Variants in URAD observed in about 807,000 individuals in gnomAD.
URAD encodes ureidoimidazoline (2-oxo-4-hydroxy-4-carboxy-5-) decarboxylase.
URAD carries 4 observed loss-of-function variants against 4.6 expected under a neutral mutation model. The ratio of observed to expected loss-of-function variants is 0.87; its 90% CI spans 0.43 to 1.98. The LOEUF (loss-of-function observed/expected upper bound fraction) is 1.98, where lower values mean the gene tolerates loss of function less well. Among genes scored for constraint, URAD ranks in the 30% most tolerant of loss-of-function variants. The pLI, the probability that URAD is intolerant of heterozygous loss-of-function variation, is 0.03. For synonymous variants in URAD, 144 were observed against 118.2 expected, an observed-to-expected ratio of 1.22 and a Z score of -1.41; for missense variants, 300 against 255.3, an observed-to-expected ratio of 1.18 and a Z score of -1.19.
rs532069881 is a variant in URAD at position 27,986,834 on chromosome 13, C to CA, written c.175+1628dup. Among the ~76,000 whole-genome samples the CA allele has an allele frequency of 3.3e-5, 5 of 152,178 alleles. No individual in the cohort carries two copies. In the South Asian group the frequency reaches 1.0e-3, roughly 31 times the overall value. On this transcript the variant is annotated intron_variant, in intron 1 of 1. Transcript: ENST00000332715. Reference sequence around the variant, plus strand: ...CTCCTGCTCCTTCCGGCCTGCCCTGCAGGAGTTCAGCTGAGAGGCTGTGGT... The same window carrying CA: ...CTCCTGCTCCTTCCGGCCTGCCCTGCAAGGAGTTCAGCTGAGAGGCTGTGGT...
chr13:27,978,241 C>A lies in URAD; in HGVS notation c.387G>T (p.Thr129=), dbSNP rs748595875. The change falls in exon 2 of 2, where the codon ACG becomes ACT. Residue 129 remains threonine, a synonymous_variant. Coordinates refer to ENST00000332715, the MANE Select transcript of URAD (RefSeq NM_001105577.2). Reference sequence around the variant, plus strand: ...GGCGCGCCAGCTCGCGCGGCACCGCCGTCCGGTCGCTGAAGCGCGCGGCGA... The same window carrying A: ...GGCGCGCCAGCTCGCGCGGCACCGCAGTCCGGTCGCTGAAGCGCGCGGCGA... ...FVLAARFSDR[T]AVPRELARRL... 43 of 1,456,626 alleles carry A rather than the reference C, an allele frequency of 3.0e-5. No individual in the cohort carries two copies. The African/African-American group carries it at 5.3e-4, about 18-fold the overall frequency. The allele number at this position is 1,456,626 out of a possible 1,614,324, so 90.2% of individuals were successfully genotyped here.
chr13:27,983,961 C>G (rs1279886226), intron 1 of URAD, among the ~76,000 whole-genome samples: 1 of 152,186 alleles, frequency 6.6e-6, no homozygotes, highest in East Asian at 1.9e-4. Flanking sequence ...TTATTAGTAT[C>G]CAACTCCATT....
At chr13:27,979,689 C>A (rs1445278655) in intron 1 of URAD, among the ~76,000 whole-genome samples, 1 of 152,154 alleles carries the variant, frequency 6.6e-6, no homozygotes, top group East Asian at 1.9e-4. Context: ...TTGGAAAAGG[C>A]GCGCACGTAA....
intron 1 of URAD, among the ~76,000 whole-genome samples, chr13:27,981,008 TTC>T (rs900608486): frequency 1.4e-4 from 16 of 111,698 alleles, no homozygotes; most frequent in African/African-American, 4.1e-4. Flanking sequence ...TTTCAGTCGC[TTC>T]TCTCTCTCTC....
intron 1 of URAD, 106 bp from the exon 2 acceptor site, chr13:27,978,558 G>A (rs1411275540): frequency 2.4e-6 from 2 of 821,238 alleles, no homozygotes; most frequent in East Asian, 3.6e-5. Context: ...GCCCCGCCCC[G>A]CCCCGCCCGG....
intron 1 of URAD, 149 bp from the exon 2 acceptor site, chr13:27,978,601 G>C (rs1042249984): frequency 1.7e-6 from 1 of 585,478 alleles, no homozygotes; most frequent in African/African-American, 1.9e-5. Context: ...GTGAAGTAGA[G>C]TACCCAGGCG....
At chr13:27,988,045 G>A (rs1425885101) in intron 1 of URAD, among the ~76,000 whole-genome samples, 3 of 152,140 alleles carry the variant, frequency 2.0e-5, no homozygotes, top group African/African-American at 4.8e-5. Context: ...TGCAATCTCC[G>A]CTTCCCAGGC....
In URAD at chr13:27,988,548, A is replaced by AG. The variant is rs1472097916; in HGVS notation, c.89dup (p.Ala31CysfsTer10). On this transcript the variant is annotated frameshift_variant, in exon 1 of 2. Transcript: ENST00000332715. LOFTEE classifies it high-confidence loss of function. ...AGAATGGCCGCTGGGACCAAACAGC[A>AG]GCTGCAATCAGAGGACATCTCTCAG... The AG allele has an allele frequency of 6.2e-7, 1 of 1,613,978 alleles. No individual in the cohort carries two copies.
At chr13:27,984,352 A>G (rs931481657) in intron 1 of URAD, among the ~76,000 whole-genome samples, 10 of 152,218 alleles carry the variant, frequency 6.6e-5, no homozygotes, top group African/African-American at 1.2e-4. Flanking sequence ...TCTTTCCTAG[A>G]AAACCTTTGC....
In URAD at chr13:27,988,452, G is replaced by A. The variant is rs76294919; in HGVS notation, c.175+11C>T. ...TCCCTTTGCAGAGAATGTCTGATAC[G>A]GAAGCCTTACCTGACTGTGCAAGGG... On this transcript the variant is annotated intron_variant, in intron 1 of 1. Transcript: ENST00000332715. 2.7e-3 allele frequency: 4,309 copies of A among 1,572,218 alleles called. 75 individuals are homozygous for A. The African/African-American group carries it at 0.042, about 15-fold the overall frequency.
chr13:27,979,622 CTG>C (rs1433504663), intron 1 of URAD, among the ~76,000 whole-genome samples: 7 of 152,208 alleles, frequency 4.6e-5, no homozygotes. Flanking sequence ...GTACCTGTCT[CTG>C]TATCTCAGTA....
At chr13:27,980,548 C>T (rs71433251) in intron 1 of URAD, among the ~76,000 whole-genome samples, 1 of 152,212 alleles carries the variant, frequency 6.6e-6, no homozygotes, top group Non-Finnish European at 1.5e-5. Flanking sequence ...TTCCGCGCCT[C>T]CTCTTCAGGT....
chr13:27,978,580 G>T, intron 1 of URAD, 128 bp from the exon 2 acceptor site: 1 of 703,118 alleles, frequency 1.4e-6, no homozygotes, highest in Non-Finnish European at 2.0e-6. Context: ...CCCAAAGAAG[G>T]CTGCGGGAGG....
chr13:27,978,286 G>C lies in URAD; in HGVS notation c.342C>G (p.Arg114=). The C allele has an allele frequency of 7.0e-7, 1 of 1,419,898 alleles. No individual in the cohort carries two copies. The highest frequency in any genetic ancestry group is 9.1e-7 in the Non-Finnish European group (1 of 1,095,996). 88.0% of individuals were successfully genotyped at this position (1,419,898 alleles called of 1,614,324 possible). Residue 114 remains arginine (R), a synonymous_variant, in exon 2 of 2, where the codon CGC becomes CGG. Coordinates refer to ENST00000332715, the MANE Select transcript of URAD (RefSeq NM_001105577.2). ...LAELNAQYRA[R]FGFPFVLAAR... is the part of the protein sequence containing the mutation. Reference sequence around the variant, plus strand: ...CGGCGAGCACGAAGGGGAAACCGAAGCGCGCGCGGTACTGCGCGTTGAGCT... The same window carrying C: ...CGGCGAGCACGAAGGGGAAACCGAACCGCGCGCGGTACTGCGCGTTGAGCT...
At position 27,977,792 on chromosome 13, in the gene URAD, G is replaced by T. The variant is rs374154701; in HGVS notation, c.*314C>A. The T allele has an allele frequency of 2.8e-4, 103 of 370,926 alleles. No individual in the cohort carries two copies. The highest frequency in any genetic ancestry group is 2.1e-3 in the African/African-American group (101 of 47,448). 23.0% of individuals were successfully genotyped at this position (370,926 alleles called of 1,614,324 possible). ...TAGCAGGAGAGGGTTGGGGAGAACT[G>T]GATAAACGCTTTGGAATCCACAAAG... On this transcript the variant is annotated 3_prime_UTR_variant, in exon 2 of 2. Coordinates refer to ENST00000332715, the MANE Select transcript of URAD (RefSeq NM_001105577.2).
chr13:27,978,815 G>T (rs533492529), intron 1 of URAD, among the ~76,000 whole-genome samples: 1 of 152,180 alleles, frequency 6.6e-6, no homozygotes, highest in African/African-American at 2.4e-5. Context: ...TTACGACTAG[G>T]TCGGGAGGGA....
chr13:27,978,522 G>T, intron 1 of URAD, 70 bp from the exon 2 acceptor site: 1 of 1,184,534 alleles, frequency 8.4e-7, no homozygotes, highest in Non-Finnish European at 1.1e-6. Context: ...ACTCGAGGGG[G>T]CGCGTAGGCC....
chr13:27,988,649 C>T lies in URAD; in HGVS notation c.-12G>A. ...TTCTCAATGTCCATTCCTTGTATTC[C>T]ACTGGAGACAGCGGGACGTCCAGCT... On this transcript the variant is annotated 5_prime_UTR_variant, in exon 1 of 2. Transcript: ENST00000332715. 6.3e-7 allele frequency: 1 copy of T among 1,583,068 alleles called. No homozygotes were observed. The highest frequency in any genetic ancestry group is 8.6e-7 in the Non-Finnish European group (1 of 1,162,876).
At chr13:27,987,556 G>T (rs1027960104) in intron 1 of URAD, among the ~76,000 whole-genome samples, 1 of 152,114 alleles carries the variant, frequency 6.6e-6, no homozygotes, top group African/African-American at 2.4e-5. Context: ...CCTTTCCCCT[G>T]GGCTCTGGAG....
Sources: gnomAD v4.1 joint callset for allele counts (sites outside exome capture counted in the v4.1 genomes callset) on GRCh38, gnomAD v4.1.1 for gene constraint, MANE v1.5 for transcripts, NCBI Gene and HGNC (gene_info 2026-07-23, HGNC 2026-07-21) for gene names.